PDLIM5: variants seen among roughly 807,000 people sequenced by gnomAD.
The protein encoded by PDLIM5 is PDZ and LIM domain protein 5.
In PDLIM5, 34 loss-of-function variants were observed where a neutral mutation model predicts 64.2. The ratio of observed to expected loss-of-function variants is 0.53; its 90% CI spans 0.40 to 0.71. The LOEUF is 0.71. PDLIM5 is among the 30% of genes least tolerant of loss of function. The pLI is 0.00. For missense variants in PDLIM5, 683 were observed against 733.6 expected (o/e 0.93, Z 0.80); for synonymous variants, 253 against 269.1 (o/e 0.94, Z 0.59).
At chr4:94,532,149 A>T (rs1560682828) in intron 3 of PDLIM5, among the ~76,000 whole-genome samples, 1 of 152,138 alleles carries the variant, frequency 6.6e-6, no homozygotes, top group Non-Finnish European at 1.5e-5. Flanking sequence ...TTTTTTAAAA[A>T]ATATGTTTTA....
intron 2 of PDLIM5, among the ~76,000 whole-genome samples, chr4:94,502,701 A>G (rs566917441): frequency 6.6e-6 from 1 of 152,022 alleles, no homozygotes; most frequent in African/African-American, 2.4e-5. Context: ...GCATGGTGAA[A>G]CCCCATCTCT....
At chr4:94,587,520 T>A (rs780364479) in intron 7 of PDLIM5, 19 of 895,176 alleles carry the variant, frequency 2.1e-5, no homozygotes, top group Non-Finnish European at 2.5e-5. Context: ...ATTATTATGT[T>A]ACATTCAAAG....
At chr4:94,640,829 T>A (rs773774064) in intron 9 of PDLIM5, among the ~76,000 whole-genome samples, 6 of 152,148 alleles carry the variant, frequency 3.9e-5, no homozygotes, top group Non-Finnish European at 8.8e-5. Flanking sequence ...TTCATTTAGA[T>A]GAAAAATAAC....
At chr4:94,568,737 C>T (rs1578393279) in intron 3 of PDLIM5, among the ~76,000 whole-genome samples, 1 of 152,002 alleles carries the variant, frequency 6.6e-6, no homozygotes, top group East Asian at 1.9e-4. Context: ...AAATTTTGCA[C>T]ATAATTTGAA....
intron 2 of PDLIM5, among the ~76,000 whole-genome samples, chr4:94,497,520 A>G (rs1226271823): frequency 6.6e-6 from 1 of 152,194 alleles, no homozygotes; most frequent in African/African-American, 2.4e-5. Flanking sequence ...CATTTTGGAA[A>G]AATAAATTGA....
intron 1 of PDLIM5, 126 bp downstream of exon 1, chr4:94,452,121 G>T (rs540606372): frequency 6.5e-6 from 1 of 152,674 alleles, no homozygotes; most frequent in South Asian, 2.1e-4. Flanking sequence ...CGCTCCTCGG[G>T]CAGGGATGGC....
intron 12 of PDLIM5, 92 bp from the exon 13 acceptor site, chr4:94,663,886 G>GA (rs1742928793): frequency 7.5e-6 from 10 of 1,335,082 alleles, no homozygotes; most frequent in African/African-American, 3.0e-5. Context: ...TCCATTGGGG[G>GA]GAAAAATCAC....
chr4:94,587,511 T>C, intron 7 of PDLIM5: 1 of 895,790 alleles, frequency 1.1e-6, no homozygotes, highest in Non-Finnish European at 1.3e-6. Context: ...TTTAAGTTCA[T>C]TATTATGTTA....
At chr4:94,488,258 G>A (rs976147228) in intron 2 of PDLIM5, among the ~76,000 whole-genome samples, 3 of 152,170 alleles carry the variant, frequency 2.0e-5, no homozygotes, top group Non-Finnish European at 4.4e-5. Flanking sequence ...TTCTTGAATT[G>A]AAATGATCTG....
chr4:94,611,055 T>C, intron 7 of PDLIM5: 2 of 1,530,242 alleles, frequency 1.3e-6, no homozygotes, highest in Non-Finnish European at 1.8e-6. Context: ...AAACTCTTTC[T>C]AAATGCTTAC....
chr4:94,640,304 C>T lies in PDLIM5; in HGVS notation c.1137C>T (p.Ser379=), dbSNP rs777689859. The T allele has an allele frequency of 8.1e-6, 13 of 1,608,920 alleles. No individual in the cohort carries two copies. The highest frequency in any genetic ancestry group is 2.2e-5 in the East Asian group (1 of 44,810). ...GVPSTGRISN[S]ATYSGSVAPA... ...CTTCCACTGGAAGAATCTCAAACAG[C>T]GCTACTTACTCAGGATCAGTGGCAC... Residue 379 remains serine (S), a synonymous_variant, in exon 9 of 13, where the codon AGC becomes AGT. Transcript: ENST00000317968.
chr4:94,575,326 T>C (rs1226417867), intron 4 of PDLIM5, among the ~76,000 whole-genome samples: 1 of 152,252 alleles, frequency 6.6e-6, no homozygotes, highest in African/African-American at 2.4e-5. Flanking sequence ...TGAGGGGCTT[T>C]AGGCTTTCTG....
intron 2 of PDLIM5, among the ~76,000 whole-genome samples, chr4:94,467,178 G>T (rs1209731187): frequency 6.6e-6 from 1 of 152,170 alleles, no homozygotes; most frequent in East Asian, 1.9e-4. Context: ...GATTACTTTA[G>T]AATTCCCAGT....
At chr4:94,471,336 TAA>T in intron 2 of PDLIM5, among the ~76,000 whole-genome samples, 1 of 152,102 alleles carries the variant, frequency 6.6e-6, no homozygotes, top group Admixed American at 6.5e-5. Flanking sequence ...GATAGTTTCG[TAA>T]AAGATTTTAT....
Position 94,667,106 on chromosome 4 carries a change from G to A in PDLIM5, c.*3039G>A, listed in dbSNP as rs558267641. ...GAGCATTTACTTTTAGTCTCTAGAT[G>A]TATATTTTGGAATGCTGTACTTGGC... is the stretch of plus-strand genomic sequence containing the variant. On this transcript the variant is annotated 3_prime_UTR_variant, in exon 13 of 13. Transcript: ENST00000317968. The A allele has an allele frequency of 6.6e-5, 10 of 152,220 alleles. No homozygotes were observed. In the South Asian group the frequency reaches 2.1e-3, roughly 32 times the overall value. 9.4% of individuals were successfully genotyped at this position (152,220 alleles called of 1,614,324 possible). A position where few individuals can be genotyped will look rare whatever the true frequency, so the allele number is the denominator to read the frequency against.
rs559624144 is a variant in PDLIM5, at chr4:94,464,183, A to C, written c.96+8799A>C. Among the ~76,000 whole-genome samples, 8 of 152,340 alleles carry C rather than the reference A, an allele frequency of 5.3e-5. No individual in the cohort carries two copies. The East Asian group carries it at 9.6e-4, about 18-fold the overall frequency. On this transcript the variant is annotated intron_variant, in intron 2 of 12. Transcript: ENST00000317968. ...AGAATTTGCAACACTTGTTATTTGGATTCTGTGAATTGTTAAACATTTTTT... is the reference window on the plus strand; with the variant it reads ...AGAATTTGCAACACTTGTTATTTGGCTTCTGTGAATTGTTAAACATTTTTT...
chr4:94,588,808 T>C (rs1304962534), intron 7 of PDLIM5, among the ~76,000 whole-genome samples: 1 of 152,240 alleles, frequency 6.6e-6, no homozygotes, highest in Non-Finnish European at 1.5e-5. Flanking sequence ...CATTATAGTC[T>C]AGTACAACTG....
chr4:94,635,240 T>C (rs1315755027), intron 8 of PDLIM5, among the ~76,000 whole-genome samples: 1 of 152,114 alleles, frequency 6.6e-6, no homozygotes, highest in Non-Finnish European at 1.5e-5. Flanking sequence ...TCAAACAAGC[T>C]CCCAGGGAGT....
chr4:94,534,679 A>C (rs1731167736), intron 3 of PDLIM5, among the ~76,000 whole-genome samples: 1 of 152,236 alleles, frequency 6.6e-6, no homozygotes, highest in South Asian at 2.1e-4. Flanking sequence ...AATAAGGATA[A>C]GTTTTCTCTC....
Sources: gnomAD v4.1 joint callset for allele counts (sites outside exome capture counted in the v4.1 genomes callset) on GRCh38, gnomAD v4.1.1 for gene constraint, MANE v1.5 for transcripts, NCBI Gene and HGNC (gene_info 2026-07-23, HGNC 2026-07-21) for gene names.